ASIC2: variants seen among roughly 807,000 people sequenced by gnomAD.
ASIC2 encodes the protein acid-sensing ion channel 2.
Under a neutral mutation model 57.3 loss-of-function variants are expected in ASIC2, and 25 were observed. That is an observed-to-expected ratio of 0.44 (90% CI 0.32 to 0.61). The LOEUF is 0.61. Among genes scored for constraint, ASIC2 ranks in the 20% least tolerant of loss-of-function variants. ASIC2 has a pLI of 0.06. For synonymous variants in ASIC2, 319 were observed against 307.5 expected, an observed-to-expected ratio of 1.04 and a Z score of -0.39; for missense variants, 641 against 738.1, an observed-to-expected ratio of 0.87 and a Z score of 1.52.
chr17:33,602,290 C>T (rs765268009), intron 1 of ASIC2, among the ~76,000 whole-genome samples: 46 of 152,176 alleles, frequency 3.0e-4, no homozygotes, highest in Non-Finnish European at 5.9e-4. Flanking sequence ...AAACTTAATC[C>T]TTAATGCAAC....
intron 1 of ASIC2, among the ~76,000 whole-genome samples, chr17:33,736,650 A>G (rs1242348269): frequency 6.6e-6 from 1 of 152,192 alleles, no homozygotes; most frequent in African/African-American, 2.4e-5. Context: ...AAAGTCAAAT[A>G]ATGGAGAATT....
At chr17:33,816,049 G>T (rs551825198) in intron 1 of ASIC2, among the ~76,000 whole-genome samples, 1 of 151,986 alleles carries the variant, frequency 6.6e-6, no homozygotes, top group Non-Finnish European at 1.5e-5. Context: ...AAGGAAGGGG[G>T]TTATTACATA....
intron 3 of ASIC2, among the ~76,000 whole-genome samples, chr17:33,078,436 G>T (rs1454933885): frequency 1.3e-5 from 2 of 152,178 alleles, no homozygotes; most frequent in Non-Finnish European, 2.9e-5. Context: ...CATATCTGAA[G>T]GCTAAGAATT....
At chr17:33,726,166 C>T (rs1294892137) in intron 1 of ASIC2, among the ~76,000 whole-genome samples, 5 of 152,080 alleles carry the variant, frequency 3.3e-5, no homozygotes, top group Non-Finnish European at 7.4e-5. Flanking sequence ...CAGAAAACTG[C>T]CAAAGCTTCT....
chr17:33,167,133 C>A (rs956893255), intron 1 of ASIC2, among the ~76,000 whole-genome samples: 5 of 152,102 alleles, frequency 3.3e-5, no homozygotes, highest in African/African-American at 1.2e-4. Context: ...AAGATGAAGC[C>A]CCAGACCAAC....
rs187540253 is a variant in ASIC2 at position 33,989,345 on chromosome 17, T to G, written c.555+166633A>C. 1.3e-4 allele frequency among the ~76,000 whole-genome samples: 20 copies of G among 152,052 alleles called. No homozygotes were observed. The East Asian group carries it at 3.9e-3, about 30-fold the overall frequency. ...GCCTCCAGGATTGGGAGGTGTGATA[T>G]CAAACAGAAGGACACGGCAAAGGTG... On this transcript the variant is annotated intron_variant, in intron 1 of 9. Transcript: ENST00000359872.
intron 1 of ASIC2, among the ~76,000 whole-genome samples, chr17:33,956,131 A>G (rs1273999667): frequency 6.6e-6 from 1 of 152,216 alleles, no homozygotes; most frequent in Non-Finnish European, 1.5e-5. Flanking sequence ...AATTGAAAAA[A>G]ATGAATCACT....
chr17:33,465,608 G>A (rs758635331), intron 1 of ASIC2, among the ~76,000 whole-genome samples: 19 of 151,930 alleles, frequency 1.3e-4, no homozygotes, highest in Admixed American at 3.9e-4. Context: ...TCCTGACCTC[G>A]GGTGATCCAC....
chr17:33,811,205 C>T (rs72814941), intron 1 of ASIC2, among the ~76,000 whole-genome samples: 4,605 of 152,324 alleles, frequency 0.03, 113 homozygotes, highest in Non-Finnish European at 0.05. Context: ...TCAGCCCTGC[C>T]TGCTCCAGCC....
chr17:33,997,261 C>T (rs1041090084), intron 1 of ASIC2, among the ~76,000 whole-genome samples: 9 of 151,630 alleles, frequency 5.9e-5, no homozygotes, highest in Non-Finnish European at 1.2e-4. Flanking sequence ...CCCACCTCAA[C>T]CCCCAAATAG....
At chr17:33,584,906 A>G (rs1324431045) in intron 1 of ASIC2, among the ~76,000 whole-genome samples, 1 of 152,108 alleles carries the variant, frequency 6.6e-6, no homozygotes, top group Non-Finnish European at 1.5e-5. Context: ...CAGAGGCACC[A>G]TGGTGGATTG....
At chr17:33,684,243 G>A (rs556604483) in intron 1 of ASIC2, among the ~76,000 whole-genome samples, 1 of 152,268 alleles carries the variant, frequency 6.6e-6, no homozygotes, top group South Asian at 2.1e-4. Flanking sequence ...GAAAATGCAG[G>A]AATGTCAGAA....
At chr17:33,711,546 A>G (rs1197312946) in intron 1 of ASIC2, among the ~76,000 whole-genome samples, 1 of 152,142 alleles carries the variant, frequency 6.6e-6, no homozygotes, top group Non-Finnish European at 1.5e-5. Context: ...AACCACCTGA[A>G]ACTGAGTAAT....
chr17:33,715,068 C>T (rs774937355), intron 1 of ASIC2, among the ~76,000 whole-genome samples: 3 of 151,318 alleles, frequency 2.0e-5, no homozygotes, highest in Non-Finnish European at 4.4e-5. Context: ...GGCAGGATCA[C>T]AGCTCACTAC....
At chr17:33,479,814 C>T (rs1195637594) in intron 1 of ASIC2, among the ~76,000 whole-genome samples, 2 of 152,138 alleles carry the variant, frequency 1.3e-5, no homozygotes, top group African/African-American at 2.4e-5. Flanking sequence ...TGCCCCCCTC[C>T]CCAATCCACC....
At chr17:33,778,638 T>C (rs1911354866) in intron 1 of ASIC2, among the ~76,000 whole-genome samples, 1 of 152,204 alleles carries the variant, frequency 6.6e-6, no homozygotes, top group Non-Finnish European at 1.5e-5. Context: ...GAAGGAGTTT[T>C]AGAATCAGAC....
At chr17:33,227,642 C>T (rs1351948412) in intron 1 of ASIC2, among the ~76,000 whole-genome samples, 5 of 152,188 alleles carry the variant, frequency 3.3e-5, no homozygotes, top group Non-Finnish European at 5.9e-5. Flanking sequence ...GAAAGTACCA[C>T]AGGCCACAGT....
intron 1 of ASIC2, among the ~76,000 whole-genome samples, chr17:33,540,750 AT>A (rs1479710005): frequency 6.6e-6 from 1 of 152,118 alleles, no homozygotes; most frequent in Non-Finnish European, 1.5e-5. Context: ...AAGTCTTATT[AT>A]TCACTGGGAC....
Position 34,097,680 on chromosome 17 carries a change from AT to A in ASIC2, c.555+58297del, listed in dbSNP as rs1447188507. Among the ~76,000 whole-genome samples the A allele has an allele frequency of 2.6e-5, 4 of 152,100 alleles. No individual in the cohort carries two copies. In the East Asian group the frequency reaches 5.8e-4, roughly 22 times the overall value. On this transcript the variant is annotated intron_variant, in intron 1 of 9. Coordinates refer to the ASIC2 transcript ENST00000359872. Reference sequence around the variant, plus strand: ...AGTTTTTTTGTGGTTTTTTAAAGATATTTTTTATCATAGTTGGTTGAATCCA... The same window carrying A: ...AGTTTTTTTGTGGTTTTTTAAAGATATTTTTATCATAGTTGGTTGAATCCA...
Sources: allele counts gnomAD v4.1 joint callset (sites outside exome capture counted in the v4.1 genomes callset), GRCh38; gene constraint gnomAD v4.1.1; transcripts MANE v1.5; gene names NCBI Gene and HGNC (gene_info 2026-07-23, HGNC 2026-07-21).